The following ZNF804B variants were observed in gnomAD, a reference collection of about 807,000 sequenced individuals.
The protein encoded by ZNF804B is zinc finger 804B.
In ZNF804B, 80 loss-of-function variants were observed where a neutral mutation model predicts 101.4. That is an observed-to-expected ratio of 0.79 (90% CI 0.66 to 0.95). The LOEUF is 0.95. Among genes scored for constraint, ZNF804B ranks in the 40% least tolerant of loss-of-function variants. The probability of loss-of-function intolerance (pLI) is 0.00; values close to 1 mark genes in which losing one functional copy is unlikely to be tolerated. For missense variants in ZNF804B, 1,673 were observed against 1,561.9 expected (o/e 1.07, Z -1.20); for synonymous variants, 622 against 558.8 (o/e 1.11, Z -1.59).
At chr7:89,291,967 A>G (rs1305166484) in intron 2 of ZNF804B, among the ~76,000 whole-genome samples, 1 of 152,106 alleles carries the variant, frequency 6.6e-6, no homozygotes, top group Non-Finnish European at 1.5e-5. Flanking sequence ...ATGACGAGAA[A>G]GACAGGCATA....
At chr7:89,301,622 C>T (rs1790475995) in intron 2 of ZNF804B, among the ~76,000 whole-genome samples, 1 of 151,792 alleles carries the variant, frequency 6.6e-6, no homozygotes, top group Non-Finnish European at 1.5e-5. Context: ...TGTCTTTACT[C>T]TTGCAGTCTT....
chr7:88,893,196 C>T (rs1792237891), intron 1 of ZNF804B, among the ~76,000 whole-genome samples: 1 of 152,036 alleles, frequency 6.6e-6, no homozygotes, highest in South Asian at 2.1e-4. Context: ...ATGGTAAGCA[C>T]ATATGGATTA....
chr7:89,180,571 C>G (rs1788283768), intron 1 of ZNF804B, among the ~76,000 whole-genome samples: 1 of 151,946 alleles, frequency 6.6e-6, no homozygotes, highest in Non-Finnish European at 1.5e-5. Context: ...TGTCCAAGAG[C>G]TAAGCCTACA....
In ZNF804B at chr7:89,335,009, T is replaced by A. The variant is rs202004727; in HGVS notation, c.2027T>A (p.Ile676Asn). Residue 676 changes from isoleucine (I) to asparagine (N), a missense_variant, in exon 4 of 4, where the codon ATT (isoleucine) becomes AAT (asparagine). Physicochemically the swap from Ile to Asn is moderately radical, Grantham distance 149 (BLOSUM62 -3). Transcript: ENST00000333190. ...HSDHGKDFSVILKSNHISMTS... is the reference protein window; with the variant it reads ...HSDHGKDFSVNLKSNHISMTS... ...GACCATGGGAAAGACTTCAGTGTAA[T>A]TTTGAAGAGTAACCACATCAGCATG... 38 of 1,613,848 alleles carry A rather than the reference T, an allele frequency of 2.4e-5. No homozygotes were observed. The highest frequency in any genetic ancestry group is 2.8e-5 in the Non-Finnish European group (33 of 1,179,906).
intron 2 of ZNF804B, among the ~76,000 whole-genome samples, chr7:89,315,649 T>G (rs1460254833): frequency 1.3e-5 from 2 of 152,146 alleles, no homozygotes; most frequent in African/African-American, 2.4e-5. Context: ...TTTGTCATCT[T>G]GATGGTGAAA....
intron 1 of ZNF804B, among the ~76,000 whole-genome samples, chr7:88,959,056 G>C (rs1441435062): frequency 6.6e-6 from 1 of 151,316 alleles, no homozygotes; most frequent in Non-Finnish European, 1.5e-5. Context: ...CATGCATTCA[G>C]CTTTTTTGAC....
rs1489864127 is a variant in ZNF804B at position 89,220,053 on chromosome 7, A to T, written c.249+1758A>T. ...TATACGCACATATATGTGCATATAT[A>T]CATATATACGCACATATATGTGTAT... On this transcript the variant is annotated intron_variant, in intron 2 of 3. Coordinates refer to ENST00000333190, the MANE Select transcript of ZNF804B (RefSeq NM_181646.5). Among the ~76,000 whole-genome samples the T allele has an allele frequency of 1.4e-5, 2 of 138,002 alleles. 1 individual carries two copies. Among genetic ancestry groups the T allele is most frequent in the Non-Finnish European group, 3.1e-5 (2 of 64,176 alleles). 90.5% of individuals were successfully genotyped at this position (138,002 alleles called of 152,430 possible). A position where few individuals can be genotyped will look rare whatever the true frequency, so the allele number is the denominator to read the frequency against.
At position 89,220,095 on chromosome 7, in the gene ZNF804B, A is replaced by G. The variant is rs1306782516; in HGVS notation, c.249+1800A>G. 3.7e-5 allele frequency among the ~76,000 whole-genome samples: 4 copies of G among 107,672 alleles called. 1 individual carries two copies. The highest frequency in any genetic ancestry group is 1.6e-4 in the African/African-American group (4 of 24,460). The allele number at this position is 107,672 out of a possible 152,430, so 70.6% of individuals were successfully genotyped here. ...TATGTGTATATACATATATATACGCACATATATATGTGTGTATATACATAT... is the reference window on the plus strand; with the variant it reads ...TATGTGTATATACATATATATACGCGCATATATATGTGTGTATATACATAT... On this transcript the variant is annotated intron_variant, in intron 2 of 3. Transcript: ENST00000333190.
chr7:89,182,258 T>C (rs561482884), intron 1 of ZNF804B, among the ~76,000 whole-genome samples: 1 of 152,342 alleles, frequency 6.6e-6, no homozygotes, highest in Non-Finnish European at 1.5e-5. Context: ...TAGAGATATG[T>C]TAAAGCACTT....
intron 1 of ZNF804B, among the ~76,000 whole-genome samples, chr7:88,839,681 A>G (rs1791267574): frequency 6.9e-6 from 1 of 144,382 alleles, no homozygotes; most frequent in Admixed American, 6.8e-5. Context: ...CAGTCTTTGG[A>G]ATCATATAAA....
At chr7:89,180,850 G>GGCTTAGACATTCTTTCAA (rs1788286211) in intron 1 of ZNF804B, among the ~76,000 whole-genome samples, 1 of 147,388 alleles carries the variant, frequency 6.8e-6, no homozygotes, top group African/African-American at 2.5e-5. Context: ...CATTCCTTGT[G>GGCTTAGACATTCTTTCAA]ATCTAGAATG....
chr7:88,876,962 TCTGAGGTA>T (rs1207568874), intron 1 of ZNF804B, among the ~76,000 whole-genome samples: 1 of 131,098 alleles, frequency 7.6e-6, no homozygotes, highest in Non-Finnish European at 1.6e-5. Context: ...AAAAACATCA[TCTGAGGTA>T]GTACAGGAAA....
intron 1 of ZNF804B, among the ~76,000 whole-genome samples, chr7:88,836,752 T>G (rs1355623309): frequency 6.6e-6 from 1 of 151,858 alleles, no homozygotes; most frequent in Non-Finnish European, 1.5e-5. Flanking sequence ...TTCCCAGTAT[T>G]CTGTCCTGCA....
At chr7:89,012,684 C>T (rs1026320649) in intron 1 of ZNF804B, among the ~76,000 whole-genome samples, 14 of 152,160 alleles carry the variant, frequency 9.2e-5, no homozygotes, top group African/African-American at 2.9e-4. Context: ...CAACAAGTCT[C>T]TAGGAAGTTC....
At chr7:89,037,579 A>G (rs1788947915) in intron 1 of ZNF804B, among the ~76,000 whole-genome samples, 1 of 151,728 alleles carries the variant, frequency 6.6e-6, no homozygotes, top group Admixed American at 6.6e-5. Flanking sequence ...ATATATATAT[A>G]TATATATTTT....
intron 1 of ZNF804B, among the ~76,000 whole-genome samples, chr7:89,197,793 GAGTTAAAGATATCTTT>G (rs1247564628): frequency 3.3e-5 from 5 of 151,784 alleles, no homozygotes; most frequent in Non-Finnish European, 5.9e-5. Context: ...TCGTTATATA[GAGTTAAAGATATCTTT>G]AGTTAAAGAT....
intron 1 of ZNF804B, among the ~76,000 whole-genome samples, chr7:88,824,074 A>T (rs1250130006): frequency 6.6e-6 from 1 of 152,160 alleles, no homozygotes; most frequent in Non-Finnish European, 1.5e-5. Context: ...TGGTGCAGAG[A>T]GGTCAAAGTA....
intron 1 of ZNF804B, among the ~76,000 whole-genome samples, chr7:89,002,958 A>C (rs1788310747): frequency 6.6e-6 from 1 of 151,836 alleles, no homozygotes; most frequent in Non-Finnish European, 1.5e-5. Context: ...ACTCTGAAGG[A>C]GTCTGCAATG....
intron 2 of ZNF804B, among the ~76,000 whole-genome samples, chr7:89,227,946 T>C (rs1789120938): frequency 6.6e-6 from 1 of 152,218 alleles, no homozygotes; most frequent in Admixed American, 6.5e-5. Flanking sequence ...CTCTACAATC[T>C]ATTTCTCTGT....
Sources: gnomAD v4.1 joint callset for allele counts (sites outside exome capture counted in the v4.1 genomes callset) on GRCh38, gnomAD v4.1.1 for gene constraint, MANE v1.5 for transcripts, NCBI Gene and HGNC (gene_info 2026-07-23, HGNC 2026-07-21) for gene names.